CNTNAP2: variants seen among roughly 807,000 people sequenced by gnomAD.
CNTNAP2 encodes contactin associated protein 2, also known as contactin-associated protein-like 2.
In CNTNAP2, 98 loss-of-function variants were observed where a neutral mutation model predicts 155.2. The observed-to-expected ratio is 0.63, with a 90% confidence interval of 0.54 to 0.75. The LOEUF is 0.75. CNTNAP2 is among the 30% of genes least tolerant of loss of function. The pLI is 0.00. For missense variants in CNTNAP2, 1,727 were observed against 1,688.1 expected, an observed-to-expected ratio of 1.02 and a Z score of -0.40; for synonymous variants, 651 against 631.2, an observed-to-expected ratio of 1.03 and a Z score of -0.47.
intron 1 of CNTNAP2, among the ~76,000 whole-genome samples, chr7:146,486,732 G>A (rs956548384): frequency 1.3e-5 from 2 of 152,198 alleles, no homozygotes; most frequent in African/African-American, 4.8e-5. Context: ...AATCTGGAGA[G>A]CTGGAGGCAT....
At chr7:146,623,447 A>ACC (rs1216310234) in intron 1 of CNTNAP2, among the ~76,000 whole-genome samples, 1 of 152,102 alleles carries the variant, frequency 6.6e-6, no homozygotes, top group Non-Finnish European at 1.5e-5. Context: ...TCTACAGAAA[A>ACC]CCCTGCAACT....
At chr7:147,404,842 A>C (rs1796979066) in intron 10 of CNTNAP2, among the ~76,000 whole-genome samples, 1 of 152,214 alleles carries the variant, frequency 6.6e-6, no homozygotes. Context: ...TGCCTCTCTG[A>C]AGTGATTTCA....
intron 13 of CNTNAP2, among the ~76,000 whole-genome samples, chr7:147,695,553 A>G (rs1327079483): frequency 6.6e-6 from 1 of 152,150 alleles, no homozygotes; most frequent in African/African-American, 2.4e-5. Context: ...TAATCCCAGC[A>G]CTTTGGGAGG....
chr7:146,741,722 A>G (rs868455791), intron 1 of CNTNAP2, among the ~76,000 whole-genome samples: 1 of 152,192 alleles, frequency 6.6e-6, no homozygotes, highest in Admixed American at 6.5e-5. Context: ...TAAAAGGTTA[A>G]TATGAAGGAT....
intron 21 of CNTNAP2, among the ~76,000 whole-genome samples, chr7:148,333,885 G>C (rs983115138): frequency 6.6e-6 from 1 of 152,220 alleles, no homozygotes; most frequent in Non-Finnish European, 1.5e-5. Flanking sequence ...GGACACTGGA[G>C]CCTCAAGAAA....
intron 4 of CNTNAP2, among the ~76,000 whole-genome samples, chr7:147,101,500 G>C (rs750546703): frequency 6.6e-6 from 1 of 152,176 alleles, no homozygotes; most frequent in Non-Finnish European, 1.5e-5. Context: ...CAGTTCAGTG[G>C]AGAGTCAGGG....
intron 8 of CNTNAP2, among the ~76,000 whole-genome samples, chr7:147,195,060 CA>C (rs1554449877): frequency 6.6e-6 from 1 of 152,196 alleles, no homozygotes; most frequent in East Asian, 1.9e-4. Flanking sequence ...TGGGGTTTTA[CA>C]TTTAAGTCTT....
At chr7:147,945,215 G>T (rs1176662922) in intron 14 of CNTNAP2, among the ~76,000 whole-genome samples, 1 of 151,880 alleles carries the variant, frequency 6.6e-6, no homozygotes, top group African/African-American at 2.4e-5. Context: ...TATATTATTT[G>T]CAACTGAATG....
At chr7:147,481,062 A>G (rs1283542053) in intron 10 of CNTNAP2, among the ~76,000 whole-genome samples, 1 of 152,118 alleles carries the variant, frequency 6.6e-6, no homozygotes, top group Admixed American at 6.5e-5. Flanking sequence ...TTCCATGTGG[A>G]TTTCTGGAGT....
At chr7:147,560,618 C>T (rs1276913424) in intron 11 of CNTNAP2, among the ~76,000 whole-genome samples, 1 of 151,866 alleles carries the variant, frequency 6.6e-6, no homozygotes, top group Non-Finnish European at 1.5e-5. Flanking sequence ...TGAGCAATAC[C>T]AAAATAATTA....
chr7:147,008,561 A>T (rs971753987), intron 3 of CNTNAP2, among the ~76,000 whole-genome samples: 1 of 152,108 alleles, frequency 6.6e-6, no homozygotes, highest in Non-Finnish European at 1.5e-5. Flanking sequence ...ACAAAATAAA[A>T]AAAACAGGAG....
At chr7:146,161,457 G>A (rs1798220778) in intron 1 of CNTNAP2, among the ~76,000 whole-genome samples, 1 of 152,172 alleles carries the variant, frequency 6.6e-6, no homozygotes, top group African/African-American at 2.4e-5. Flanking sequence ...ACTTGCAAGA[G>A]ATGTTAAGGA....
At chr7:147,374,052 C>T (rs1360701409) in intron 9 of CNTNAP2, among the ~76,000 whole-genome samples, 6 of 151,872 alleles carry the variant, frequency 4.0e-5, no homozygotes, top group South Asian at 2.1e-4. Flanking sequence ...GAAAGCCATA[C>T]GGACAATAAA....
chr7:146,879,578 A>G (rs1180720355), intron 3 of CNTNAP2, among the ~76,000 whole-genome samples: 2 of 152,062 alleles, frequency 1.3e-5, no homozygotes, highest in Non-Finnish European at 2.9e-5. Context: ...ATAACACTCC[A>G]TGAAGTCAGT....
intron 1 of CNTNAP2, among the ~76,000 whole-genome samples, chr7:146,754,979 A>G (rs1056566663): frequency 3.3e-5 from 5 of 151,958 alleles, no homozygotes; most frequent in Non-Finnish European, 7.4e-5. Flanking sequence ...CAAATTTTTT[A>G]AAGACATTTT....
At chr7:146,930,667 C>T (rs1319394208) in intron 3 of CNTNAP2, among the ~76,000 whole-genome samples, 3 of 152,176 alleles carry the variant, frequency 2.0e-5, no homozygotes, top group Non-Finnish European at 2.9e-5. Context: ...CAAGACTTAT[C>T]AGTGTGCTGT....
intron 1 of CNTNAP2, among the ~76,000 whole-genome samples, chr7:146,460,070 G>A (rs956714945): frequency 2.6e-5 from 4 of 152,108 alleles, no homozygotes; most frequent in African/African-American, 4.8e-5. Context: ...GGCCAAGCTT[G>A]GGATTTAGAA....
rs1010145291 is a variant in CNTNAP2 at position 147,484,042 on chromosome 7, T to C, written c.1671-1893T>C. Among the ~76,000 whole-genome samples the C allele has an allele frequency of 1.3e-5, 2 of 152,206 alleles. 1 individual carries two copies. The highest frequency in any genetic ancestry group is 1.3e-4 in the Admixed American group (2 of 15,286). On this transcript the variant is annotated intron_variant, in intron 10 of 23. Coordinates refer to ENST00000361727, the MANE Select transcript of CNTNAP2 (RefSeq NM_014141.6). ...GAAGCCTTTGTTTATCATCCACTTG[T>C]AACTCCTCTAGTATCCAAATTTCTA...
At chr7:148,369,497 G>C (rs1248519587) in intron 21 of CNTNAP2, among the ~76,000 whole-genome samples, 1 of 151,348 alleles carries the variant, frequency 6.6e-6, no homozygotes, top group Non-Finnish European at 1.5e-5. Context: ...CAAAGTGCTG[G>C]GATTACCAAC....
Sources: allele counts gnomAD v4.1 joint callset (sites outside exome capture counted in the v4.1 genomes callset), GRCh38; gene constraint gnomAD v4.1.1; transcripts MANE v1.5; gene names NCBI Gene and HGNC (gene_info 2026-07-23, HGNC 2026-07-21).